The following KLF13 variants were observed in gnomAD, a reference collection of about 807,000 sequenced individuals.
The protein encoded by KLF13 is KLF transcription factor 13.
A neutral mutation model predicts 16.7 loss-of-function variants in KLF13; 8 were observed. The observed-to-expected ratio is 0.48, with a 90% CI of 0.28 to 0.87. KLF13 has a LOEUF of 0.87. Ranked by LOEUF, KLF13 falls within the 40% of genes least tolerant of loss-of-function variation. KLF13 has a pLI of 0.10. For synonymous variants in KLF13, 245 were observed against 208.4 expected, an observed-to-expected ratio of 1.18 and a Z score of -1.51; for missense variants, 447 against 452.2, an observed-to-expected ratio of 0.99 and a Z score of 0.10.
At chr15:31,405,498 C>T (rs2140997017), downstream of KLF13, among the ~76,000 whole-genome samples, 1 of 152,352 alleles carries the variant, frequency 6.6e-6, no homozygotes, top group South Asian at 2.1e-4. Flanking sequence ...TGAATTTCTG[C>T]TGTTTATAAC....
chr15:31,329,651 C>T (rs796787823), intron 1 of KLF13, among the ~76,000 whole-genome samples: 9 of 152,346 alleles, frequency 5.9e-5, no homozygotes, highest in African/African-American at 1.9e-4. Context: ...GGGCCTCCCG[C>T]TGTAGGTGGG....
At position 31,377,343 on chromosome 15, in the gene KLF13, G is replaced by A. The variant is rs929851024; in HGVS notation, c.*5044G>A. 1 of 152,604 alleles carries A rather than the reference G, an allele frequency of 6.6e-6. No homozygotes were observed. Among genetic ancestry groups the A allele is most frequent in the Non-Finnish European group, 1.5e-5 (1 of 68,042 alleles). The allele number at this position is 152,604 out of a possible 1,614,324, so 9.5% of individuals were successfully genotyped here. ...CCTGGTGCCTAGTGCTGAGGCCTCT[G>A]GGGCTGGAAAGCCTCAGCAGAAAGG... On this transcript the variant is annotated 3_prime_UTR_variant, in exon 2 of 2. Coordinates refer to ENST00000307145, the MANE Select transcript of KLF13 (RefSeq NM_015995.4).
At chr15:31,413,755 G>A (rs192892389) in intron 1 of KLF13, among the ~76,000 whole-genome samples, 51 of 152,276 alleles carry the variant, frequency 3.3e-4, no homozygotes, top group Non-Finnish European at 2.9e-5. Context: ...TTGAAAACAA[G>A]TTACCTTAAA....
chr15:31,397,922 C>T (rs1172364180), intron 2 of KLF13, among the ~76,000 whole-genome samples: 1 of 151,814 alleles, frequency 6.6e-6, no homozygotes, highest in Non-Finnish European at 1.5e-5. Flanking sequence ...CAGTCTTTCT[C>T]TCCTGTGCCT....
intron 1 of KLF13, among the ~76,000 whole-genome samples, chr15:31,429,971 T>C (rs968163912): frequency 6.6e-6 from 1 of 152,214 alleles, no homozygotes; most frequent in African/African-American, 2.4e-5. Context: ...CCTGACCTTG[T>C]GACCGCCCGC....
At chr15:31,391,211 G>T (rs1488097546), upstream of KLF13, among the ~76,000 whole-genome samples, 2 of 95,500 alleles carry the variant, frequency 2.1e-5, no homozygotes, top group Non-Finnish European at 4.4e-5. Context: ...TGGTCCTGTG[G>T]GGGGGCTGGG....
At chr15:31,432,859 A>G (rs1312081220) in intron 1 of KLF13, among the ~76,000 whole-genome samples, 1 of 152,102 alleles carries the variant, frequency 6.6e-6, no homozygotes, top group Admixed American at 6.5e-5. Flanking sequence ...TCATGCCTGT[A>G]ATCCCAACAC....
rs564937290 is a variant in KLF13, at chr15:31,376,132, C to G, written c.*3833C>G. On this transcript the variant is annotated 3_prime_UTR_variant, in exon 2 of 2. Coordinates refer to ENST00000307145, the MANE Select transcript of KLF13 (RefSeq NM_015995.4). Reference sequence around the variant, plus strand: ...CACCCGGTGTGTCCAGAAGACCAGCCTCTTTCTTGCCAGAAGCAGGTGCTA... The same window carrying G: ...CACCCGGTGTGTCCAGAAGACCAGCGTCTTTCTTGCCAGAAGCAGGTGCTA... 9.2e-5 allele frequency: 14 copies of G among 152,636 alleles called. No homozygotes were observed. The highest frequency in any genetic ancestry group is 3.4e-4 in the African/African-American group (14 of 41,416). 9.5% of individuals were successfully genotyped at this position (152,636 alleles called of 1,614,324 possible). A position where few individuals can be genotyped will look rare whatever the true frequency, so the allele number is the denominator to read the frequency against.
chr15:31,392,360 C>T (rs180804680), upstream of KLF13, among the ~76,000 whole-genome samples: 1 of 152,208 alleles, frequency 6.6e-6, no homozygotes, highest in Non-Finnish European at 1.5e-5. Context: ...CCTCTTTGGC[C>T]GCGGGCTGGG....
chr15:31,417,087 T>C (rs1165886319), intron 1 of KLF13, among the ~76,000 whole-genome samples: 1 of 152,232 alleles, frequency 6.6e-6, no homozygotes, highest in African/African-American at 2.4e-5. Flanking sequence ...CTCTCATCCA[T>C]GTGATGCCTT....
At chr15:31,410,039 A>AT (rs2141000379) in intron 1 of KLF13, among the ~76,000 whole-genome samples, 1 of 152,318 alleles carries the variant, frequency 6.6e-6, no homozygotes, top group African/African-American at 2.4e-5. Context: ...CAAGCAAACT[A>AT]TAAGATCAGT....
chr15:31,328,464 C>T (rs1343216011), intron 1 of KLF13, among the ~76,000 whole-genome samples: 47 of 151,974 alleles, frequency 3.1e-4, no homozygotes, highest in Admixed American at 3.1e-3. Flanking sequence ...GGAGCCCCCG[C>T]CCATCCGGCC....
In KLF13 at chr15:31,377,365, AAGG is replaced by A. The variant is rs2140972482; in HGVS notation, c.*5070_*5072del. 1 of 152,646 alleles carries A rather than the reference AAGG, an allele frequency of 6.6e-6. No homozygotes were observed. The highest frequency in any genetic ancestry group is 2.1e-4 in the South Asian group (1 of 4,816). The allele number at this position is 152,646 out of a possible 1,614,324, so 9.5% of individuals were successfully genotyped here. A position where few individuals can be genotyped will look rare whatever the true frequency, so the allele number is the denominator to read the frequency against. On this transcript the variant is annotated 3_prime_UTR_variant, in exon 2 of 2. Transcript: ENST00000307145. The stretch of plus-strand genomic sequence containing the variant: ...TCTGGGGCTGGAAAGCCTCAGCAGA[AAGG>A]AGGCACTACTGAGCAACTATGCATT...
rs932716194 is a variant in KLF13, at chr15:31,372,567, C to G, written c.*268C>G. 4 of 480,340 alleles carry G rather than the reference C, an allele frequency of 8.3e-6. No homozygotes were observed. The highest frequency in any genetic ancestry group is 1.4e-5 in the Non-Finnish European group (4 of 275,934). 29.8% of individuals were successfully genotyped at this position (480,340 alleles called of 1,614,324 possible). A position where few individuals can be genotyped will look rare whatever the true frequency, so the allele number is the denominator to read the frequency against. ...CTTTCTCAGGGATGGACACGTTTCA[C>G]GAGGTCAGTGAGGACACCCCTTCCT... On this transcript the variant is annotated 3_prime_UTR_variant, in exon 2 of 2. Transcript: ENST00000307145.
In KLF13 at chr15:31,327,473, C is replaced by G; in HGVS notation, c.261C>G (p.Ala87=). ...APAPAERREG[A]AARKARTPCR... ...CCCCGGCGGAGCGCAGGGAGGGCGCCGCGGCCCGGAAGGCGAGGACCCCCT... is the reference window on the plus strand; with the variant it reads ...CCCCGGCGGAGCGCAGGGAGGGCGCGGCGGCCCGGAAGGCGAGGACCCCCT... Residue 87 remains alanine, a synonymous_variant, in exon 1 of 2, where the codon GCC becomes GCG. Transcript: ENST00000307145. 1.7e-6 allele frequency: 2 copies of G among 1,206,888 alleles called. No individual in the cohort carries two copies. Among genetic ancestry groups the G allele is most frequent in the East Asian group, 3.7e-5 (1 of 27,364 alleles). 74.8% of individuals were successfully genotyped at this position (1,206,888 alleles called of 1,614,324 possible). A position where few individuals can be genotyped will look rare whatever the true frequency, so the allele number is the denominator to read the frequency against.
chr15:31,413,832 T>C (rs1595508013), intron 1 of KLF13, among the ~76,000 whole-genome samples: 1 of 152,314 alleles, frequency 6.6e-6, no homozygotes, highest in Non-Finnish European at 1.5e-5. Flanking sequence ...TACTGTCTTT[T>C]AAAAAGACAC....
chr15:31,336,395 G>A (rs1176384932), intron 1 of KLF13, among the ~76,000 whole-genome samples: 1 of 152,212 alleles, frequency 6.6e-6, no homozygotes, highest in Non-Finnish European at 1.5e-5. Context: ...CATGTGGGAG[G>A]TGGTCAGGTG....
At chr15:31,399,390 C>T (rs971188695) in intron 2 of KLF13, among the ~76,000 whole-genome samples, 20 of 152,186 alleles carry the variant, frequency 1.3e-4, no homozygotes, top group Non-Finnish European at 1.5e-5. Flanking sequence ...GTCTCAAACT[C>T]CTGACCTCAG....
chr15:31,425,342 A>G (rs1037852060), intron 1 of KLF13, among the ~76,000 whole-genome samples: 3 of 152,228 alleles, frequency 2.0e-5, no homozygotes, highest in Non-Finnish European at 4.4e-5. Flanking sequence ...ATTCTGTAAA[A>G]GAAAACAAAA....
Sources: allele counts gnomAD v4.1 joint callset (sites outside exome capture counted in the v4.1 genomes callset), GRCh38; gene constraint gnomAD v4.1.1; transcripts MANE v1.5; gene names NCBI Gene and HGNC (gene_info 2026-07-23, HGNC 2026-07-21).